Variants in NBAS observed in about 807,000 individuals in gnomAD.
The protein encoded by NBAS is NAG/BC035112 fusion.
NBAS carries 219 observed loss-of-function variants against 302.5 expected under a neutral mutation model. That is an observed-to-expected ratio of 0.72 (90% CI 0.65 to 0.81). The LOEUF is 0.81. Among genes scored for constraint, NBAS ranks in the 30% least tolerant of loss-of-function variants. The pLI is 0.00. For missense variants in NBAS, 2,932 were observed against 2,841.6 expected, an observed-to-expected ratio of 1.03 and a Z score of -0.72; for synonymous variants, 1,118 against 1,021.6, an observed-to-expected ratio of 1.09 and a Z score of -1.80.
chr2:14,922,912 G>A, the NBAS span, among the ~76,000 whole-genome samples: 1 of 152,168 alleles, frequency 6.6e-6, no homozygotes, highest in African/African-American at 2.4e-5. Flanking sequence ...CAGCACTTTG[G>A]GAGGCCGAGG....
intron 21 of NBAS, among the ~76,000 whole-genome samples, chr2:15,438,705 A>C (rs1452769059): frequency 3.3e-5 from 5 of 152,232 alleles, no homozygotes; most frequent in African/African-American, 1.2e-4. Context: ...CAGAGTTTGA[A>C]AGTCAGAGAG....
At chr2:15,518,035 C>T (rs776392544) in intron 9 of NBAS, among the ~76,000 whole-genome samples, 1 of 151,666 alleles carries the variant, frequency 6.6e-6, no homozygotes, top group Admixed American at 6.6e-5. Flanking sequence ...ACTTCTCCTT[C>T]TCTCTCCCTT....
intron 44 of NBAS, among the ~76,000 whole-genome samples, chr2:15,247,445 T>C (rs888861641): frequency 6.6e-6 from 1 of 151,946 alleles, no homozygotes; most frequent in Non-Finnish European, 1.5e-5. Flanking sequence ...GACTGGCAAA[T>C]TGGATGAAAG....
At chr2:15,394,832 T>C (rs1308441385) in intron 27 of NBAS, among the ~76,000 whole-genome samples, 2 of 152,078 alleles carry the variant, frequency 1.3e-5, no homozygotes, top group African/African-American at 4.8e-5. Context: ...ACAAGATATG[T>C]CAAAAATTCT....
At chr2:15,166,756 C>T (rs1231286585), downstream of NBAS, among the ~76,000 whole-genome samples, 1 of 152,072 alleles carries the variant, frequency 6.6e-6, no homozygotes, top group Non-Finnish European at 1.5e-5. Flanking sequence ...ACTTGCTGAA[C>T]TACAGTTGTG....
At chr2:14,825,244 T>C in the NBAS span, among the ~76,000 whole-genome samples, 28 of 152,182 alleles carry the variant, frequency 1.8e-4, no homozygotes, top group African/African-American at 6.8e-4. Context: ...TCTGGCCACC[T>C]GCAGGTGCAA....
At chr2:15,428,783 C>A (rs1250070644) in intron 21 of NBAS, among the ~76,000 whole-genome samples, 1 of 152,114 alleles carries the variant, frequency 6.6e-6, no homozygotes, top group Non-Finnish European at 1.5e-5. Flanking sequence ...GTGGCTCACG[C>A]CTGTAATCCC....
intron 50 of NBAS, among the ~76,000 whole-genome samples, chr2:15,184,871 G>A (rs967161971): frequency 2.0e-5 from 3 of 152,192 alleles, no homozygotes; most frequent in East Asian, 1.9e-4. Flanking sequence ...AAACCAAACC[G>A]ATAAGAGTAT....
At chr2:15,483,288 G>A in intron 12 of NBAS, 1 of 379,046 alleles carries the variant, frequency 2.6e-6, no homozygotes, top group Non-Finnish European at 5.4e-6. Context: ...GAAAACAGCT[G>A]TGGATTATAT....
Position 15,218,777 on chromosome 2 carries a change from C to G in NBAS, c.6428G>C (p.Arg2143Thr). The change falls in exon 48 of 52, where the codon AGA becomes ACA. Residue 2143 changes from arginine (R) to threonine (T), a missense_variant. Transcript: ENST00000281513. ...EAILKASWPQ[R>T]QVDIADIENE... ...ATCATTCAGACACTCCCTTACCTGT[C>G]TCTGGGGCCAGGAGGCTTTGAGAAT... The G allele has an allele frequency of 1.9e-6, 3 of 1,614,248 alleles. No individual in the cohort carries two copies. The highest frequency in any genetic ancestry group is 2.5e-6 in the Non-Finnish European group (3 of 1,180,040).
chr2:15,030,419 G>C, the NBAS span, among the ~76,000 whole-genome samples: 7 of 152,190 alleles, frequency 4.6e-5, no homozygotes, highest in African/African-American at 1.4e-4. Flanking sequence ...ACAGGTTTGA[G>C]CAGGGTAAAT....
chr2:15,511,482 T>C (rs1200129336), intron 9 of NBAS, 132 bp from the exon 10 acceptor site: 7 of 791,636 alleles, frequency 8.8e-6, no homozygotes, highest in African/African-American at 3.5e-5. Flanking sequence ...ACCTAGAAGG[T>C]AAATATTTCA....
At chr2:15,264,045 T>C (rs759610532) in intron 44 of NBAS, among the ~76,000 whole-genome samples, 7 of 152,166 alleles carry the variant, frequency 4.6e-5, no homozygotes, top group Non-Finnish European at 7.3e-5. Context: ...TGAAAGGTAC[T>C]TAAATGAGAG....
Position 15,366,837 on chromosome 2 carries a change from G to C in NBAS, c.3704-144C>G, listed in dbSNP as rs1327292698. 57 of 736,672 alleles carry C rather than the reference G, an allele frequency of 7.7e-5. 1 individual carries two copies. In the East Asian group the frequency reaches 1.5e-3, roughly 19 times the overall value. 45.6% of individuals were successfully genotyped at this position (736,672 alleles called of 1,614,324 possible). A position where few individuals can be genotyped will look rare whatever the true frequency, so the allele number is the denominator to read the frequency against. Reference sequence around the variant, plus strand: ...AGAATTAAGTAAAAGTAAAAGGCACGTTTAACAAACAGCAAAATTATTATT... The same window carrying C: ...AGAATTAAGTAAAAGTAAAAGGCACCTTTAACAAACAGCAAAATTATTATT... On this transcript the variant is annotated intron_variant, in intron 31 of 51. Coordinates refer to ENST00000281513, the MANE Select transcript of NBAS (RefSeq NM_015909.4).
chr2:14,986,224 T>C, the NBAS span, among the ~76,000 whole-genome samples: 2 of 139,986 alleles, frequency 1.4e-5, no homozygotes, highest in African/African-American at 6.0e-5. Flanking sequence ...GGCAGCATAA[T>C]TGGGGAAAAA....
At chr2:15,191,958 G>A (rs1665380134) in intron 48 of NBAS, among the ~76,000 whole-genome samples, 1 of 152,036 alleles carries the variant, frequency 6.6e-6, no homozygotes, top group South Asian at 2.1e-4. Context: ...TGTTTCCTCT[G>A]CCAGATACCC....
chr2:15,422,444 G>C (rs1011929932), intron 23 of NBAS, among the ~76,000 whole-genome samples: 2 of 152,024 alleles, frequency 1.3e-5, no homozygotes, highest in African/African-American at 2.4e-5. Flanking sequence ...ACTTGTGAGT[G>C]GGGGGAGCAA....
intron 31 of NBAS, among the ~76,000 whole-genome samples, chr2:15,370,635 G>A (rs1308104170): frequency 6.6e-6 from 1 of 152,178 alleles, no homozygotes; most frequent in Non-Finnish European, 1.5e-5. Context: ...GTGTGCCCTG[G>A]ATGTGAGACA....
chr2:15,399,105 T>C (rs12692264), intron 26 of NBAS, among the ~76,000 whole-genome samples: 6 of 151,980 alleles, frequency 3.9e-5, no homozygotes, highest in Non-Finnish European at 8.8e-5. Context: ...TACTATTTAA[T>C]AATTAATAGA....
Sources: gnomAD v4.1 joint callset for allele counts (sites outside exome capture counted in the v4.1 genomes callset) on GRCh38, gnomAD v4.1.1 for gene constraint, MANE v1.5 for transcripts, NCBI Gene and HGNC (gene_info 2026-07-23, HGNC 2026-07-21) for gene names.